Variants in TYW1B observed in about 807,000 individuals in gnomAD.
TYW1B encodes the protein S-adenosyl-L-methionine-dependent tRNA 4-demethylwyosine synthase TYW1B.
In TYW1B, 73 loss-of-function variants were observed where a neutral mutation model predicts 86.9. The ratio of observed to expected loss-of-function variants is 0.84; its 90% CI spans 0.70 to 1.02. TYW1B has a LOEUF of 1.02. Among genes scored for constraint, TYW1B ranks in the 50% least tolerant of loss-of-function variants. The pLI is 0.00. For missense variants in TYW1B, 637 were observed against 827.4 expected (o/e 0.77, Z 2.82); for synonymous variants, 248 against 292.8 (o/e 0.85, Z 1.56).
intron 3 of TYW1B, among the ~76,000 whole-genome samples, chr7:72,813,163 T>C (rs1361602065): frequency 4.0e-5 from 6 of 149,938 alleles, no homozygotes; most frequent in African/African-American, 1.2e-4. Flanking sequence ...CAGCTCTACA[T>C]ACTTCTTCTT....
intron 11 of TYW1B, among the ~76,000 whole-genome samples, chr7:72,657,151 T>C (rs1305777286): frequency 1.3e-5 from 2 of 151,892 alleles, no homozygotes; most frequent in Non-Finnish European, 2.9e-5. Flanking sequence ...GATACAGATA[T>C]CCTAAAATAG....
At chr7:72,741,429 T>C (rs1422959171) in intron 8 of TYW1B, among the ~76,000 whole-genome samples, 2 of 151,380 alleles carry the variant, frequency 1.3e-5, no homozygotes, top group Non-Finnish European at 2.9e-5. Flanking sequence ...CTTGCCTAAG[T>C]AGAAAAAAAA....
At chr7:72,761,114 C>T (rs868984851) in intron 7 of TYW1B, among the ~76,000 whole-genome samples, 3 of 151,996 alleles carry the variant, frequency 2.0e-5, no homozygotes, top group Admixed American at 6.6e-5. Context: ...ATGAATTTTT[C>T]AAGTAATTTG....
chr7:72,827,030 A>T lies in TYW1B; in HGVS notation c.5-45T>A, dbSNP rs533737062. On this transcript the variant is annotated intron_variant, in intron 1 of 13. Coordinates refer to ENST00000620995, the MANE Select transcript of TYW1B (RefSeq NM_001145440.3). ...CACAGATAATTTCATTTAAAGCTACATATACAAAGATATCCTTCCCGATTT... is the reference window on the plus strand; with the variant it reads ...CACAGATAATTTCATTTAAAGCTACTTATACAAAGATATCCTTCCCGATTT... 4.5e-6 allele frequency: 7 copies of T among 1,557,210 alleles called. No individual in the cohort carries two copies. In the Admixed American group the frequency reaches 8.3e-5, roughly 18 times the overall value.
At chr7:72,768,210 T>C (rs1166150463) in intron 7 of TYW1B, among the ~76,000 whole-genome samples, 3 of 150,480 alleles carry the variant, frequency 2.0e-5, no homozygotes, top group Admixed American at 6.6e-5. Context: ...CACTACACTA[T>C]AGCCTGGATG....
intron 7 of TYW1B, among the ~76,000 whole-genome samples, chr7:72,766,834 G>A (rs2129571808): frequency 6.6e-6 from 1 of 152,186 alleles, no homozygotes; most frequent in East Asian, 1.9e-4. Flanking sequence ...GGCTGAGGCA[G>A]GAGAATTCCT....
In TYW1B at chr7:72,574,746, T is replaced by G; in HGVS notation, c.*752A>C. On this transcript the variant is annotated 3_prime_UTR_variant, in exon 14 of 14. Coordinates refer to ENST00000620995, the MANE Select transcript of TYW1B (RefSeq NM_001145440.3). ...CAGTGACCTCACGAACAAAAAGAAA[T>G]GATCCTCTTCAGTCCAAAGTGTGTT... The G allele has an allele frequency of 1.0e-6, 1 of 985,326 alleles. No individual in the cohort carries two copies. Among genetic ancestry groups the G allele is most frequent in the Non-Finnish European group, 1.2e-6 (1 of 829,916 alleles). 61.0% of individuals were successfully genotyped at this position (985,326 alleles called of 1,614,324 possible).
chr7:72,673,944 AGAGTT>A (rs1209632933), intron 11 of TYW1B, among the ~76,000 whole-genome samples: 4 of 152,274 alleles, frequency 2.6e-5, no homozygotes, highest in Admixed American at 1.3e-4. Flanking sequence ...CCTCCTTCAT[AGAGTT>A]ATTATTTTTT....
intron 11 of TYW1B, among the ~76,000 whole-genome samples, chr7:72,683,129 T>C (rs1416634847): frequency 3.7e-4 from 56 of 152,044 alleles, no homozygotes; most frequent in African/African-American, 1.3e-3. Flanking sequence ...GGAAGAGAAA[T>C]ACCCAACTCC....
chr7:72,728,976 A>G, intron 8 of TYW1B, 45 bp from the exon 9 acceptor site: 1 of 1,556,554 alleles, frequency 6.4e-7, no homozygotes, highest in Non-Finnish European at 8.8e-7. Context: ...CTGTAATAAG[A>G]TCTGGGCTAG....
At chr7:72,733,688 A>C (rs1408296620) in intron 8 of TYW1B, among the ~76,000 whole-genome samples, 2 of 152,102 alleles carry the variant, frequency 1.3e-5, no homozygotes, top group African/African-American at 4.8e-5. Flanking sequence ...AAAAAAGAAA[A>C]TTGCATATCA....
At chr7:72,715,610 G>A (rs1786765015) in intron 9 of TYW1B, among the ~76,000 whole-genome samples, 1 of 151,974 alleles carries the variant, frequency 6.6e-6, no homozygotes, top group African/African-American at 2.4e-5. Context: ...TGGGAGAAGG[G>A]AGAGGATCAG....
chr7:72,609,843 C>A (rs1456162226), intron 13 of TYW1B, among the ~76,000 whole-genome samples: 9 of 152,114 alleles, frequency 5.9e-5, no homozygotes, highest in African/African-American at 1.9e-4. Flanking sequence ...AAGGAAAAGA[C>A]GTGCCAGAAA....
chr7:72,664,252 C>T (rs1563051230), intron 11 of TYW1B, among the ~76,000 whole-genome samples: 1 of 149,564 alleles, frequency 6.7e-6, no homozygotes, highest in African/African-American at 2.5e-5. Context: ...ATTTGGGTTT[C>T]TTTTTTTTTT....
At chr7:72,746,570 T>G (rs1787399128) in intron 7 of TYW1B, among the ~76,000 whole-genome samples, 1 of 152,198 alleles carries the variant, frequency 6.6e-6, no homozygotes, top group Non-Finnish European at 1.5e-5. Context: ...CTCAATGCAA[T>G]GCAATGGCAT....
At position 72,632,355 on chromosome 7, in the gene TYW1B, T is replaced by TACG. The variant is rs1491329360; in HGVS notation, c.1507-3359_1507-3358insCGT. On this transcript the variant is annotated intron_variant, in intron 11 of 13. Coordinates refer to ENST00000620995, the MANE Select transcript of TYW1B (RefSeq NM_001145440.3). ...TATACACGTATATATATTATATATA[T>TACG]TATATATATACGCATATATATTATA... Among the ~76,000 whole-genome samples, 5 of 117,908 alleles carry TACG rather than the reference T, an allele frequency of 4.2e-5. No homozygotes were observed. In the East Asian group the frequency reaches 7.0e-4, roughly 17 times the overall value. 77.4% of individuals were successfully genotyped at this position (117,908 alleles called of 152,430 possible).
intron 11 of TYW1B, among the ~76,000 whole-genome samples, chr7:72,633,560 G>A (rs1398467943): frequency 6.6e-6 from 1 of 152,160 alleles, no homozygotes; most frequent in Non-Finnish European, 1.5e-5. Flanking sequence ...ACACCCTTCT[G>A]CTCCTCCCAG....
At chr7:72,634,340 A>AGCTTTTTTTTTTTT (rs1554440442) in intron 11 of TYW1B, among the ~76,000 whole-genome samples, 16 of 126,954 alleles carry the variant, frequency 1.3e-4, no homozygotes, top group Admixed American at 5.7e-4. Flanking sequence ...TGCCACTCCT[A>AGCTTTTTTTTTTTT]GCTTTTTTTT....
At chr7:72,809,537 C>T (rs1451170489) in intron 4 of TYW1B, among the ~76,000 whole-genome samples, 1 of 152,024 alleles carries the variant, frequency 6.6e-6, no homozygotes, top group Non-Finnish European at 1.5e-5. Flanking sequence ...CCTATAGTTC[C>T]AGCTACTAGG....
Sources: gnomAD v4.1 joint callset for allele counts (sites outside exome capture counted in the v4.1 genomes callset) on GRCh38, gnomAD v4.1.1 for gene constraint, MANE v1.5 for transcripts, NCBI Gene and HGNC (gene_info 2026-07-23, HGNC 2026-07-21) for gene names.